Variants in TRERF1 observed in about 807,000 individuals in gnomAD.
TRERF1 encodes transcriptional regulating factor 1.
In TRERF1, 27 loss-of-function variants were observed where a neutral mutation model predicts 122.9. The ratio of observed to expected loss-of-function variants is 0.22; its 90% CI spans 0.16 to 0.30. The LOEUF (loss-of-function observed/expected upper bound fraction) is 0.30, where lower values mean the gene tolerates loss of function less well. Among genes scored for constraint, TRERF1 ranks in the 10% least tolerant of loss-of-function variants. TRERF1 has a pLI of 1.00. For missense variants in TRERF1, 1,248 were observed against 1,560.3 expected, an observed-to-expected ratio of 0.80 and a Z score of 3.37; for synonymous variants, 636 against 641.7, an observed-to-expected ratio of 0.99 and a Z score of 0.13.
intron 3 of TRERF1, among the ~76,000 whole-genome samples, chr6:42,355,296 T>C (rs968288158): frequency 7.2e-5 from 11 of 152,320 alleles, no homozygotes; most frequent in African/African-American, 2.4e-4. Flanking sequence ...AATACACTTT[T>C]GGAATTAATG....
intron 2 of TRERF1, among the ~76,000 whole-genome samples, chr6:42,388,033 C>T (rs559221311): frequency 1.3e-4 from 20 of 152,018 alleles, no homozygotes; most frequent in South Asian, 6.2e-4. Context: ...GCGATCTTCC[C>T]GCCTCCACCT....
At chr6:42,301,969 G>C (rs556237614) in intron 3 of TRERF1, among the ~76,000 whole-genome samples, 1 of 152,188 alleles carries the variant, frequency 6.6e-6, no homozygotes, top group Non-Finnish European at 1.5e-5. Context: ...GGAAAGTGTG[G>C]CTCCATGCTG....
intron 2 of TRERF1, among the ~76,000 whole-genome samples, chr6:42,415,245 C>A (rs1420072534): frequency 6.6e-6 from 1 of 152,042 alleles, no homozygotes; most frequent in Non-Finnish European, 1.5e-5. Flanking sequence ...ATTAATGACC[C>A]TTTTTATTTA....
At chr6:42,357,328 C>CAAAAAAAAAAAAAAAAAAAAAAAAAAA (rs35651008) in intron 3 of TRERF1, among the ~76,000 whole-genome samples, 1 of 61,156 alleles carries the variant, frequency 1.6e-5, no homozygotes, top group Non-Finnish European at 3.6e-5. Context: ...GACTCTGTCT[C>CAAAAAAAAAAAAAAAAAAAAAAAAAAA]AAAAAAAAAA....
At chr6:42,241,133 C>T (rs770161906) in intron 15 of TRERF1, among the ~76,000 whole-genome samples, 1 of 152,162 alleles carries the variant, frequency 6.6e-6, no homozygotes, top group African/African-American at 2.4e-5. Context: ...ATCCACCTAC[C>T]TTGGCCTCCC....
chr6:42,266,151 G>T (rs779113891), intron 5 of TRERF1, among the ~76,000 whole-genome samples: 47 of 151,528 alleles, frequency 3.1e-4, no homozygotes, highest in Non-Finnish European at 5.9e-4. Flanking sequence ...AGAGGTGGGA[G>T]ACGCAGCATT....
intron 17 of TRERF1, among the ~76,000 whole-genome samples, chr6:42,230,683 G>GTGA (rs1377517776): frequency 4.6e-5 from 7 of 152,196 alleles, no homozygotes; most frequent in Non-Finnish European, 8.8e-5. Flanking sequence ...GTGGTGGGTG[G>GTGA]TGATGTTAAA....
chr6:42,328,004 C>CTT (rs36069546), intron 3 of TRERF1, among the ~76,000 whole-genome samples: 114 of 107,978 alleles, frequency 1.1e-3, no homozygotes, highest in African/African-American at 3.1e-3. Context: ...TTCTTTCTTT[C>CTT]TTTTTTTTTT....
intron 4 of TRERF1, among the ~76,000 whole-genome samples, chr6:42,291,597 A>C (rs553823911): frequency 8.8e-4 from 134 of 152,188 alleles, no homozygotes; most frequent in African/African-American, 3.1e-3. Flanking sequence ...GCAGTGGCAC[A>C]ATCTCGGCTC....
intron 7 of TRERF1, among the ~76,000 whole-genome samples, chr6:42,264,249 A>T (rs1244285002): frequency 6.6e-6 from 1 of 152,166 alleles, no homozygotes; most frequent in Non-Finnish European, 1.5e-5. Context: ...GTATTTAAGG[A>T]TCTTTGGATG....
chr6:42,425,786 G>A (rs185458), intron 2 of TRERF1, among the ~76,000 whole-genome samples: 5 of 149,082 alleles, frequency 3.4e-5, no homozygotes, highest in Admixed American at 2.7e-4. Context: ...CTCGTGATCC[G>A]CCCACCTCGG....
At chr6:42,389,203 G>T (rs1415926201) in intron 2 of TRERF1, among the ~76,000 whole-genome samples, 3 of 152,236 alleles carry the variant, frequency 2.0e-5, no homozygotes, top group Non-Finnish European at 4.4e-5. Context: ...AAATCTGTAA[G>T]GCTGTGGCAC....
At chr6:42,277,565 A>G (rs1781373678) in intron 4 of TRERF1, among the ~76,000 whole-genome samples, 1 of 152,186 alleles carries the variant, frequency 6.6e-6, no homozygotes, top group Non-Finnish European at 1.5e-5. Context: ...AGAGCATTGG[A>G]AAAAGCTGAG....
At position 42,398,156 on chromosome 6, in the gene TRERF1, T is replaced by C. The variant is rs548826881; in HGVS notation, c.-453-35077A>G. ...TCCCAGCTCCAGCACTTGCTAGCTG[T>C]GTGCCCCTGATTAGATGATGTATGC... On this transcript the variant is annotated intron_variant, in intron 2 of 17. Transcript: ENST00000372922. 2.0e-5 allele frequency among the ~76,000 whole-genome samples: 3 copies of C among 152,322 alleles called. No individual in the cohort carries two copies. The South Asian group carries it at 6.2e-4, about 32-fold the overall frequency.
At chr6:42,292,721 AC>A (rs1784500412) in intron 4 of TRERF1, among the ~76,000 whole-genome samples, 1 of 151,916 alleles carries the variant, frequency 6.6e-6, no homozygotes, top group Admixed American at 6.6e-5. Flanking sequence ...GCAGTTCAAG[AC>A]CCCCGAAGAG....
chr6:42,423,875 C>T (rs888878785), intron 2 of TRERF1, among the ~76,000 whole-genome samples: 2 of 152,090 alleles, frequency 1.3e-5, no homozygotes, highest in Admixed American at 6.6e-5. Context: ...GAGGAACCTT[C>T]GAAAACCTGC....
chr6:42,327,369 T>C (rs373765), intron 3 of TRERF1, among the ~76,000 whole-genome samples: 75 of 152,276 alleles, frequency 4.9e-4, no homozygotes, highest in African/African-American at 1.7e-3. Context: ...CAGGTATCTG[T>C]GTAGGCAATT....
chr6:42,409,292 TA>T (rs1283090971), intron 2 of TRERF1, among the ~76,000 whole-genome samples: 1 of 152,128 alleles, frequency 6.6e-6, no homozygotes, highest in African/African-American at 2.4e-5. Context: ...AATAAATAAA[TA>T]AATGTCTTCC....
chr6:42,292,353 G>C (rs1305627227), intron 4 of TRERF1, among the ~76,000 whole-genome samples: 1 of 152,172 alleles, frequency 6.6e-6, no homozygotes, highest in Non-Finnish European at 1.5e-5. Flanking sequence ...GAGAAGGGCA[G>C]CCTGGGCCCT....
Sources: gnomAD v4.1 joint callset for allele counts (sites outside exome capture counted in the v4.1 genomes callset) on GRCh38, gnomAD v4.1.1 for gene constraint, MANE v1.5 for transcripts, NCBI Gene and HGNC (gene_info 2026-07-23, HGNC 2026-07-21) for gene names.